Variants in DLG2 observed in about 807,000 individuals in gnomAD.
DLG2 encodes the protein disks large homolog 2.
In DLG2, 45 loss-of-function variants were observed where a neutral mutation model predicts 132.5. The ratio of observed to expected loss-of-function variants is 0.34; its 90% confidence interval spans 0.27 to 0.44. DLG2 has a LOEUF of 0.44. Ranked by LOEUF, DLG2 falls within the 20% of genes least tolerant of loss-of-function variation. DLG2 has a pLI of 1.00. For missense variants in DLG2, 1,045 were observed against 1,196.9 expected, an observed-to-expected ratio of 0.87 and a Z score of 1.87; for synonymous variants, 424 against 419.6, an observed-to-expected ratio of 1.01 and a Z score of -0.13.
intron 6 of DLG2, among the ~76,000 whole-genome samples, chr11:84,627,021 G>A (rs558490398): frequency 8.6e-5 from 13 of 151,950 alleles, no homozygotes; most frequent in East Asian, 7.8e-4. Flanking sequence ...ACAGATGCCC[G>A]CCACCACGCC....
chr11:83,692,747 G>A (rs145595835), intron 18 of DLG2, among the ~76,000 whole-genome samples: 263 of 152,220 alleles, frequency 1.7e-3, no homozygotes, highest in Admixed American at 5.4e-3. Flanking sequence ...AGACTATCTG[G>A]TTCACCAAAC....
At chr11:84,615,621 T>C (rs971514601) in intron 6 of DLG2, among the ~76,000 whole-genome samples, 4 of 151,834 alleles carry the variant, frequency 2.6e-5, no homozygotes, top group African/African-American at 9.7e-5. Flanking sequence ...ACTCTTCTAG[T>C]ATCATTTTTT....
intron 6 of DLG2, among the ~76,000 whole-genome samples, chr11:84,626,417 C>T (rs1033600366): frequency 6.6e-6 from 1 of 152,138 alleles, no homozygotes; most frequent in Non-Finnish European, 1.5e-5. Flanking sequence ...ATCTGGAATC[C>T]TCCTCCACAT....
chr11:83,728,417 C>T lies in DLG2; in HGVS notation c.1825+58273G>A, dbSNP rs538573829. On this transcript the variant is annotated intron_variant, in intron 18 of 27. Coordinates refer to ENST00000376104, the MANE Select transcript of DLG2 (RefSeq NM_001142699.3). ...AGACAGCTCTTTCTTCTTTTTTGTA[C>T]ACTCACTTTATTCATTCTTCTAAAA... Among the ~76,000 whole-genome samples, 186 of 152,312 alleles carry T rather than the reference C, an allele frequency of 1.2e-3. 3 individuals are homozygous for T. Among genetic ancestry groups the T allele is most frequent in the South Asian group, 0.012 (56 of 4,824 alleles).
intron 2 of DLG2, among the ~76,000 whole-genome samples, chr11:85,608,969 C>A (rs2080792270): frequency 1.3e-5 from 2 of 152,134 alleles, no homozygotes; most frequent in South Asian, 4.1e-4. Context: ...AGAATGACAG[C>A]TGAGGAAAGG....
At chr11:85,431,112 T>C (rs1280623117) in intron 3 of DLG2, among the ~76,000 whole-genome samples, 1 of 152,140 alleles carries the variant, frequency 6.6e-6, no homozygotes, top group Non-Finnish European at 1.5e-5. Flanking sequence ...GATATTCTTG[T>C]TTCCAACGAA....
In DLG2 at chr11:85,137,173, T is replaced by C. The variant is rs535608385; in HGVS notation, c.282+17383A>G. On this transcript the variant is annotated intron_variant, in intron 5 of 27. Coordinates refer to ENST00000376104, the MANE Select transcript of DLG2 (RefSeq NM_001142699.3). ...CAATTTCTAGCTGAAGTGTTACAAG[T>C]ACAGGATGCTACTGAAACTAGGTGC... 3.3e-5 allele frequency among the ~76,000 whole-genome samples: 5 copies of C among 152,162 alleles called. No homozygotes were observed. In the East Asian group the frequency reaches 7.7e-4, roughly 23 times the overall value.
intron 4 of DLG2, among the ~76,000 whole-genome samples, chr11:85,199,585 T>C (rs2081301350): frequency 1.3e-5 from 2 of 152,208 alleles, no homozygotes; most frequent in African/African-American, 2.4e-5. Context: ...CTGAAATTCT[T>C]CCTCTATTAT....
chr11:84,050,615 T>A (rs904795418), intron 11 of DLG2, among the ~76,000 whole-genome samples: 3 of 151,988 alleles, frequency 2.0e-5, no homozygotes, highest in Non-Finnish European at 2.9e-5. Context: ...CTGAATGGTA[T>A]TGCCTAGGTT....
chr11:84,075,001 G>A (rs2096808173), intron 10 of DLG2, among the ~76,000 whole-genome samples: 2 of 152,044 alleles, frequency 1.3e-5, no homozygotes, highest in Admixed American at 6.6e-5. Flanking sequence ...CCCTAGCTCT[G>A]TCTCCTAGCA....
intron 6 of DLG2, among the ~76,000 whole-genome samples, chr11:84,607,033 A>T (rs1344634647): frequency 6.6e-6 from 1 of 152,130 alleles, no homozygotes; most frequent in Non-Finnish European, 1.5e-5. Flanking sequence ...ATCCAAGGTC[A>T]TCAAGAGCAG....
At chr11:83,536,298 C>A (rs1164186994) in intron 20 of DLG2, among the ~76,000 whole-genome samples, 6 of 152,180 alleles carry the variant, frequency 3.9e-5, no homozygotes, top group Non-Finnish European at 8.8e-5. Context: ...ACATGGAAAT[C>A]TGCTTAGTTA....
At chr11:84,940,163 T>A (rs1417339065) in intron 6 of DLG2, among the ~76,000 whole-genome samples, 2 of 152,164 alleles carry the variant, frequency 1.3e-5, no homozygotes, top group Admixed American at 6.5e-5. Flanking sequence ...GTGATTTGCA[T>A]TTTTTTAAAT....
intron 3 of DLG2, among the ~76,000 whole-genome samples, chr11:85,593,217 G>GA (rs1393626887): frequency 7.2e-5 from 11 of 151,968 alleles, no homozygotes; most frequent in Non-Finnish European, 8.8e-5. Flanking sequence ...ACACAAGAAG[G>GA]AAAAAATGCC....
intron 3 of DLG2, among the ~76,000 whole-genome samples, chr11:85,487,199 G>A (rs1293878015): frequency 6.6e-6 from 1 of 151,678 alleles, no homozygotes; most frequent in African/African-American, 2.4e-5. Flanking sequence ...AGAAAAATTG[G>A]AAGAAGTGAC....
chr11:84,988,671 A>G (rs1039116549), intron 6 of DLG2, among the ~76,000 whole-genome samples: 5 of 152,208 alleles, frequency 3.3e-5, no homozygotes, highest in Admixed American at 3.3e-4. Context: ...CTAAGCTATG[A>G]GGATGCAAAG....
intron 7 of DLG2, among the ~76,000 whole-genome samples, chr11:84,311,817 G>C (rs774447868): frequency 1.3e-5 from 2 of 152,116 alleles, no homozygotes; most frequent in Non-Finnish European, 2.9e-5. Flanking sequence ...TCAATGTTCC[G>C]GGCAAATAGA....
At chr11:84,685,914 C>A (rs983981122) in intron 6 of DLG2, among the ~76,000 whole-genome samples, 1 of 152,160 alleles carries the variant, frequency 6.6e-6, no homozygotes, top group East Asian at 1.9e-4. Context: ...GTCTCGATCT[C>A]TTGACCTCGT....
At chr11:85,433,946 A>T (rs774391979) in intron 3 of DLG2, among the ~76,000 whole-genome samples, 6 of 152,226 alleles carry the variant, frequency 3.9e-5, no homozygotes, top group Middle Eastern at 3.2e-3. Context: ...AATGCAAAAT[A>T]ACTGAAATCA....
Sources: gnomAD v4.1 joint callset for allele counts (sites outside exome capture counted in the v4.1 genomes callset) on GRCh38, gnomAD v4.1.1 for gene constraint, MANE v1.5 for transcripts, NCBI Gene and HGNC (gene_info 2026-07-23, HGNC 2026-07-21) for gene names.